Variants in PCDHA1 observed in about 807,000 individuals in gnomAD.
PCDHA1 encodes protocadherin alpha-1.
Under a neutral mutation model 61.3 loss-of-function variants are expected in PCDHA1, and 42 were observed. The observed-to-expected ratio is 0.69, with a 90% CI of 0.54 to 0.89. The LOEUF is 0.89. PCDHA1 is among the 40% of genes least tolerant of loss of function. PCDHA1 has a pLI of 0.00. For synonymous variants in PCDHA1, 610 were observed against 553.8 expected (o/e 1.10, Z -1.43); for missense variants, 1,256 against 1,235.3 (o/e 1.02, Z -0.25).
intron 1 of PCDHA1, chr5:140,875,955 T>C: frequency 6.2e-7 from 1 of 1,614,158 alleles, no homozygotes; most frequent in African/African-American, 1.3e-5. Flanking sequence ...CTGATGCGGA[T>C]ATCGGCGTAA....
At chr5:140,929,782 A>G (rs574140858) in intron 1 of PCDHA1, 12 of 168,464 alleles carry the variant, frequency 7.1e-5, no homozygotes, top group Non-Finnish European at 1.6e-4. Context: ...AGATGTAAAA[A>G]TAAATTACAA....
intron 1 of PCDHA1, chr5:140,842,442 T>G (rs1777952178): frequency 1.2e-6 from 2 of 1,613,802 alleles, no homozygotes; most frequent in Non-Finnish European, 1.7e-6. Flanking sequence ...CTAATTAGCG[T>G]GAACGACCTC....
intron 1 of PCDHA1, chr5:140,966,570 G>A: frequency 2.0e-6 from 1 of 501,774 alleles, no homozygotes; most frequent in Non-Finnish European, 3.3e-6. Context: ...GGAATATGGG[G>A]AGTCAGCGAG....
Position 140,786,748 on chromosome 5 carries a change from C to A in PCDHA1, c.458C>A (p.Pro153Gln), listed in dbSNP as rs1761329671. 1 of 1,614,168 alleles carries A rather than the reference C, an allele frequency of 6.2e-7. No individual in the cohort carries two copies. Among genetic ancestry groups the A allele is most frequent in the South Asian group, 1.1e-5 (1 of 91,072 alleles). The change falls in exon 1 of 4, where the codon CCG becomes CAG. Residue 153 changes from proline (P) to glutamine (Q), a missense_variant. By Grantham distance (76) the Pro-to-Gln change is moderately conservative (BLOSUM62 -1). Coordinates refer to ENST00000504120, the MANE Select transcript of PCDHA1 (RefSeq NM_018900.4). Reference protein sequence around the residue: ...PESRLLNSRFPIEGAADADIG... With the variant: ...PESRLLNSRFQIEGAADADIG... ...TCTAGACTCCTGAATTCGCGTTTTC[C>A]GATAGAAGGAGCTGCTGATGCAGAC...
At chr5:140,833,462 C>A (rs1291648288) in intron 1 of PCDHA1, among the ~76,000 whole-genome samples, 3 of 152,102 alleles carry the variant, frequency 2.0e-5, no homozygotes, top group Non-Finnish European at 4.4e-5. Context: ...AATAAACTTA[C>A]ATTTTAAAAG....
At chr5:140,937,546 G>A (rs1584916949) in intron 1 of PCDHA1, among the ~76,000 whole-genome samples, 1 of 152,050 alleles carries the variant, frequency 6.6e-6, no homozygotes, top group Non-Finnish European at 1.5e-5. Flanking sequence ...GAACCTGCGA[G>A]GCAGAGGTTG....
chr5:140,965,031 T>C (rs1211247687), intron 1 of PCDHA1, among the ~76,000 whole-genome samples: 3 of 152,208 alleles, frequency 2.0e-5, no homozygotes, highest in African/African-American at 7.2e-5. Flanking sequence ...CTCCTTTAAC[T>C]GTCCGCTCTA....
At chr5:140,934,228 G>A (rs1238284158) in intron 1 of PCDHA1, among the ~76,000 whole-genome samples, 2 of 151,884 alleles carry the variant, frequency 1.3e-5, no homozygotes, top group African/African-American at 4.8e-5. Flanking sequence ...TAAAAGATTT[G>A]TACTTAATTG....
Position 140,853,024 on chromosome 5 carries a change from G to A in PCDHA1, c.2394+64340G>A, listed in dbSNP as rs2150527319. On this transcript the variant is annotated intron_variant, in intron 1 of 3. Coordinates refer to ENST00000504120, the MANE Select transcript of PCDHA1 (RefSeq NM_018900.4). ...CTCCCGAGTAGCTGGGACTACAGGC[G>A]CCTGCCACCATGCCCGCCTAATTTT... 4.2e-5 allele frequency: 11 copies of A among 260,054 alleles called. 1 individual carries two copies. The highest frequency in any genetic ancestry group is 2.6e-4 in the African/African-American group (11 of 42,566). 16.1% of individuals were successfully genotyped at this position (260,054 alleles called of 1,614,324 possible).
chr5:140,852,729 T>C, intron 1 of PCDHA1: 1 of 983,952 alleles, frequency 1.0e-6, no homozygotes, highest in South Asian at 4.8e-5. Flanking sequence ...TTTTTCAAGT[T>C]TCATGTGCCA....
At chr5:140,880,297 AG>A (rs1554171244) in intron 1 of PCDHA1, among the ~76,000 whole-genome samples, 1 of 152,250 alleles carries the variant, frequency 6.6e-6, no homozygotes, top group Admixed American at 6.5e-5. Context: ...TCATAGTGTG[AG>A]TGAAAGAAAC....
At chr5:140,897,772 C>T (rs1393087365) in intron 1 of PCDHA1, among the ~76,000 whole-genome samples, 2 of 152,192 alleles carry the variant, frequency 1.3e-5, no homozygotes, top group Non-Finnish European at 2.9e-5. Context: ...ACACTGACTT[C>T]CACAATGGTT....
At chr5:140,974,731 C>T (rs2096638633) in intron 1 of PCDHA1, among the ~76,000 whole-genome samples, 1 of 152,140 alleles carries the variant, frequency 6.6e-6, no homozygotes, top group Non-Finnish European at 1.5e-5. Context: ...GAACTCCTGT[C>T]TCCACCTTGG....
chr5:140,822,502 A>C, intron 1 of PCDHA1: 1 of 1,613,896 alleles, frequency 6.2e-7, no homozygotes. Context: ...AGAATTTGAT[A>C]AATCCATTTA....
intron 1 of PCDHA1, among the ~76,000 whole-genome samples, chr5:140,898,157 G>A (rs1455235992): frequency 1.3e-5 from 2 of 152,162 alleles, no homozygotes; most frequent in South Asian, 4.1e-4. Context: ...CACGCTGATG[G>A]TGGTTTCTTT....
At chr5:140,791,369 C>A (rs1212440214) in intron 1 of PCDHA1, among the ~76,000 whole-genome samples, 1 of 152,196 alleles carries the variant, frequency 6.6e-6, no homozygotes. Context: ...GATACTGAGA[C>A]ACCATAAAGT....
At chr5:140,824,417 G>T in intron 1 of PCDHA1, 1 of 513,492 alleles carries the variant, frequency 1.9e-6, no homozygotes, top group Admixed American at 3.8e-5. Flanking sequence ...ACATAGTTTG[G>T]AGTCATTCTC....
intron 3 of PCDHA1, among the ~76,000 whole-genome samples, chr5:140,998,621 A>G (rs1167341355): frequency 5.3e-5 from 8 of 151,758 alleles, no homozygotes; most frequent in Admixed American, 3.9e-4. Context: ...CTGGAGTGCA[A>G]TGGCACAATC....
chr5:140,970,814 C>T (rs1175939096), intron 1 of PCDHA1, among the ~76,000 whole-genome samples: 1 of 152,068 alleles, frequency 6.6e-6, no homozygotes, highest in Non-Finnish European at 1.5e-5. Flanking sequence ...ATTTCAAGTT[C>T]ATGGTAATCT....
Sources: gnomAD v4.1 joint callset for allele counts (sites outside exome capture counted in the v4.1 genomes callset) on GRCh38, gnomAD v4.1.1 for gene constraint, MANE v1.5 for transcripts, NCBI Gene and HGNC (gene_info 2026-07-23, HGNC 2026-07-21) for gene names.